ANKDD1A: variants seen among roughly 807,000 people sequenced by gnomAD.
ANKDD1A encodes the protein ankyrin repeat and death domain containing 1A.
In ANKDD1A, 59 loss-of-function variants were observed where a neutral mutation model predicts 63.5. The ratio of observed to expected loss-of-function variants is 0.93; its 90% CI spans 0.75 to 1.15. The LOEUF (loss-of-function observed/expected upper bound fraction) is 1.15, where lower values mean the gene tolerates loss of function less well. Among genes scored for constraint, ANKDD1A ranks in the 50% most tolerant of loss-of-function variants. The pLI is 0.00. For synonymous variants in ANKDD1A, 266 were observed against 263.9 expected, an observed-to-expected ratio of 1.01 and a Z score of -0.08; for missense variants, 632 against 656.4, an observed-to-expected ratio of 0.96 and a Z score of 0.41.
chr15:64,914,763 G>C (rs2084957152), intron 1 of ANKDD1A, among the ~76,000 whole-genome samples: 1 of 152,190 alleles, frequency 6.6e-6, no homozygotes, highest in Non-Finnish European at 1.5e-5. Context: ...GGCAGCATGG[G>C]GCTCCGGTGG....
At chr15:64,950,818 T>C in intron 14 of ANKDD1A, 2 of 1,060,402 alleles carry the variant, frequency 1.9e-6, no homozygotes, top group South Asian at 2.4e-5. Flanking sequence ...GGACGCTACC[T>C]TTCTTTCCCC....
intron 3 of ANKDD1A, among the ~76,000 whole-genome samples, chr15:64,921,005 C>T (rs1426278766): frequency 1.3e-5 from 2 of 152,162 alleles, no homozygotes; most frequent in Non-Finnish European, 2.9e-5. Flanking sequence ...GGGTTTCGCT[C>T]TGTCACCAAG....
intron 14 of ANKDD1A, chr15:64,950,307 C>T: frequency 1.0e-6 from 1 of 985,400 alleles, no homozygotes; most frequent in Non-Finnish European, 1.2e-6. Flanking sequence ...GGAACCACCT[C>T]CAGACTTTTT....
At chr15:64,938,455 G>T (rs76690843) in intron 9 of ANKDD1A, among the ~76,000 whole-genome samples, 3,060 of 152,224 alleles carry the variant, frequency 0.02, 115 homozygotes, top group African/African-American at 0.07. Context: ...CCTAACCCCA[G>T]TCTAATTCCG....
chr15:64,944,824 C>G (rs2085211041), intron 12 of ANKDD1A, 77 bp downstream of exon 12: 14 of 1,469,320 alleles, frequency 9.5e-6, no homozygotes, highest in Admixed American at 1.9e-5. Flanking sequence ...GGCTTTGAAC[C>G]CTAGGCCTGA....
In ANKDD1A at chr15:64,942,502, C is replaced by A. The variant is rs764496471; in HGVS notation, c.903C>A (p.His301Gln). The stretch of plus-strand genomic sequence containing the variant: ...CTCCTCTGCACCTCGCTGTGAGGCA[C>A]AACTTCCCTGCCTTGGTCCGGCTCC... ...GASPLHLAVR[H>Q]NFPALVRLLI... The change falls in exon 10 of 15, where the codon CAC becomes CAA. Residue 301 changes from histidine to glutamine, a missense_variant. By Grantham distance (24) the His-to-Gln change is conservative (BLOSUM62 0). Transcript: ENST00000319580. The A allele has an allele frequency of 3.8e-5, 62 of 1,613,748 alleles. No individual in the cohort carries two copies. The South Asian group carries it at 6.8e-4, about 18-fold the overall frequency.
At chr15:64,940,107 T>C (rs1308303703) in intron 9 of ANKDD1A, among the ~76,000 whole-genome samples, 1 of 149,650 alleles carries the variant, frequency 6.7e-6, no homozygotes, top group Non-Finnish European at 1.5e-5. Flanking sequence ...TAAAGGCTAG[T>C]GTCTAGAGTA....
At position 64,921,974 on chromosome 15, in the gene ANKDD1A, C is replaced by G. The variant is rs780682731; in HGVS notation, c.321C>G (p.Leu107=). Residue 107 remains leucine, a synonymous_variant, in exon 4 of 15, where the codon CTC becomes CTG. Transcript: ENST00000319580. ...LSAWFGHLRI[L]QILVNSGAKI... ...CCTGGTTCGGCCACTTACGAATCCT[C>G]CAGATCTTGGTAAACTCAGGGGCCA... 3.1e-6 allele frequency: 5 copies of G among 1,614,196 alleles called. No homozygotes were observed. The highest frequency in any genetic ancestry group is 4.2e-6 in the Non-Finnish European group (5 of 1,180,038).
intron 14 of ANKDD1A, among the ~76,000 whole-genome samples, chr15:64,953,709 T>C (rs1324118745): frequency 1.6e-4 from 3 of 19,028 alleles, no homozygotes; most frequent in Non-Finnish European, 8.6e-4. Flanking sequence ...TTTCTTCTTC[T>C]CCTTGTTCTT....
chr15:64,926,267 C>T, intron 5 of ANKDD1A, 97 bp downstream of exon 5: 1 of 1,241,450 alleles, frequency 8.1e-7, no homozygotes, highest in Non-Finnish European at 1.1e-6. Flanking sequence ...TGGGTGCATC[C>T]TTTGATCTGT....
intron 14 of ANKDD1A, among the ~76,000 whole-genome samples, chr15:64,951,934 T>TTTC (rs1311858648): frequency 0.11 from 8,364 of 73,862 alleles, 816 homozygotes; most frequent in African/African-American, 0.26. Flanking sequence ...CTCTTCTTCC[T>TTTC]TTCTTTTCTT....
At chr15:64,939,104 C>T (rs1306297110) in intron 9 of ANKDD1A, among the ~76,000 whole-genome samples, 2 of 151,946 alleles carry the variant, frequency 1.3e-5, no homozygotes, top group Admixed American at 1.3e-4. Flanking sequence ...ACTCTGTTAT[C>T]TTTGCAACTT....
At chr15:64,955,476 G>A (rs563113264) in intron 14 of ANKDD1A, among the ~76,000 whole-genome samples, 14 of 152,322 alleles carry the variant, frequency 9.2e-5, no homozygotes, top group African/African-American at 3.1e-4. Context: ...TGGCTTTGAG[G>A]TGCCAGGCAA....
Position 64,944,670 on chromosome 15 carries a change from G to A in ANKDD1A, c.1084G>A (p.Ala362Thr). Residue 362 changes from alanine (A) to threonine (T), a missense_variant, in exon 12 of 15, where the codon GCA becomes ACA. By Grantham distance (58) the Ala-to-Thr change is moderately conservative. Transcript: ENST00000319580. Reference sequence around the variant, plus strand: ...ATTGCAGCAGGGAAAAACCGCCCTGGCAGTGGCCGTCCGCAGCAACCATGT... The same window carrying A: ...ATTGCAGCAGGGAAAAACCGCCCTGACAGTGGCCGTCCGCAGCAACCATGT... ...LRDKQGKTALAVAVRSNHVSL... is the reference protein window; with the variant it reads ...LRDKQGKTALTVAVRSNHVSL... The A allele has an allele frequency of 6.2e-7, 1 of 1,613,976 alleles. No individual in the cohort carries two copies. Among genetic ancestry groups the A allele is most frequent in the East Asian group, 2.2e-5 (1 of 44,872 alleles).
At chr15:64,956,953 C>A (rs1451989236) in intron 14 of ANKDD1A, 150 bp from the exon 15 acceptor site, 3 of 343,988 alleles carry the variant, frequency 8.7e-6, no homozygotes, top group Non-Finnish European at 1.7e-5. Context: ...TTACCTACCA[C>A]TAAGTTATAT....
rs772760666 is a variant in ANKDD1A at position 64,912,007 on chromosome 15, G to T, written c.34+43G>T. The T allele has an allele frequency of 1.9e-5, 23 of 1,238,928 alleles. 1 individual carries two copies. In the African/African-American group the frequency reaches 2.5e-4, roughly 13 times the overall value. The allele number at this position is 1,238,928 out of a possible 1,614,324, so 76.7% of individuals were successfully genotyped here. A position where few individuals can be genotyped will look rare whatever the true frequency, so the allele number is the denominator to read the frequency against. The stretch of plus-strand genomic sequence containing the variant: ...AGGGAGGGGGGCGGGCCGAGGCCGA[G>T]AGGACCCCCGCATCCGTTTGGGGAG... On this transcript the variant is annotated intron_variant, in intron 1 of 14. Coordinates refer to ENST00000319580, the MANE Select transcript of ANKDD1A (RefSeq NM_182703.6).
intron 14 of ANKDD1A, chr15:64,951,564 C>CTTTTTCT (rs200837658): frequency 1.6e-5 from 2 of 122,692 alleles, no homozygotes; most frequent in Non-Finnish European, 3.3e-5. Context: ...CTTTCTTTTT[C>CTTTTTCT]TTTTCTTTCT....
intron 5 of ANKDD1A, among the ~76,000 whole-genome samples, chr15:64,926,603 G>A (rs142798622): frequency 1.1e-3 from 171 of 152,254 alleles, no homozygotes; most frequent in African/African-American, 4.0e-3. Context: ...CTGATGGGTG[G>A]TTGGGGGTCC....
intron 14 of ANKDD1A, among the ~76,000 whole-genome samples, chr15:64,953,507 T>A (rs1566917564): frequency 1.6e-5 from 1 of 62,480 alleles, no homozygotes; most frequent in Non-Finnish European, 4.2e-5. Context: ...TTCTTCCTCC[T>A]CTTCCTTCTC....
Sources: allele counts gnomAD v4.1 joint callset (sites outside exome capture counted in the v4.1 genomes callset), GRCh38; gene constraint gnomAD v4.1.1; transcripts MANE v1.5; gene names NCBI Gene and HGNC (gene_info 2026-07-23, HGNC 2026-07-21).